Variants in GATA6 observed in about 807,000 individuals in gnomAD.
The protein encoded by GATA6 is transcription factor GATA-6.
A neutral mutation model predicts 48.1 loss-of-function variants in GATA6; 11 were observed. The observed-to-expected ratio is 0.23, with a 90% confidence interval of 0.14 to 0.38. GATA6 has a LOEUF of 0.38. GATA6 is among the 10% of genes least tolerant of loss of function. The pLI, the probability that GATA6 is intolerant of heterozygous loss-of-function variation, is 1.00. For synonymous variants in GATA6, 419 were observed against 396.1 expected, an observed-to-expected ratio of 1.06 and a Z score of -0.69; for missense variants, 795 against 850.3, an observed-to-expected ratio of 0.93 and a Z score of 0.81.
chr18:22,187,235 C>G (rs1372581856), intron 6 of GATA6, among the ~76,000 whole-genome samples: 1 of 152,148 alleles, frequency 6.6e-6, no homozygotes, highest in Non-Finnish European at 1.5e-5. Context: ...AATCCCAGCA[C>G]TTTGGGAGGC....
intron 2 of GATA6, 64 bp from the exon 3 acceptor site, chr18:22,176,891 G>T: frequency 1.3e-6 from 2 of 1,491,568 alleles, no homozygotes; most frequent in Non-Finnish European, 1.8e-6. Flanking sequence ...GGTCCCCGGG[G>T]TGACGCGGGG....
chr18:22,196,121 A>G (rs1282072364), intron 6 of GATA6, among the ~76,000 whole-genome samples: 2 of 152,238 alleles, frequency 1.3e-5, no homozygotes, highest in Non-Finnish European at 2.9e-5. Flanking sequence ...CTTTCTTTGC[A>G]GTATTTCATG....
chr18:22,171,935 C>T lies in GATA6; in HGVS notation c.791C>T (p.Pro264Leu), dbSNP rs568069587. 8.4e-7 allele frequency: 1 copy of T among 1,190,022 alleles called. No homozygotes were observed. The highest frequency in any genetic ancestry group is 4.2e-5 in the South Asian group (1 of 24,030). The allele number at this position is 1,190,022 out of a possible 1,614,324, so 73.7% of individuals were successfully genotyped here. A position where few individuals can be genotyped will look rare whatever the true frequency, so the allele number is the denominator to read the frequency against. Residue 264 changes from proline (P) to leucine (L), a missense_variant, in exon 2 of 7, where the codon CCC becomes CTC. Transcript: ENST00000269216. This position sits in a 1 kb window ranked among gnomAD's most constrained non-coding sequence, Gnocchi z 7.1. ...GCGGCGCACGTCTCGGCGCGCTTCC[C>T]CTACTCTCCCAGCCCGCCCATGGCC... ...SAAAHVSARFPYSPSPPMANG... is the reference protein window; with the variant it reads ...SAAAHVSARFLYSPSPPMANG...
chr18:22,170,149 G>T lies in GATA6; in HGVS notation c.-38+467G>T, dbSNP rs929522512. On this transcript the variant is annotated intron_variant, in intron 1 of 6. Coordinates refer to ENST00000269216, the MANE Select transcript of GATA6 (RefSeq NM_005257.6). The surrounding 1 kb of genome is among the most constrained non-coding windows in gnomAD (Gnocchi z 6.7). ...CATTCTTCCTGCTCTCCCATTTGGG[G>T]TCGCCTCGGCTCTGGGGCGGTCTCA... 6.6e-6 allele frequency among the ~76,000 whole-genome samples: 1 copy of T among 152,152 alleles called. No individual in the cohort carries two copies. Among genetic ancestry groups the T allele is most frequent in the Admixed American group, 6.5e-5 (1 of 15,280 alleles).
At chr18:22,183,610 T>C (rs889666227) in intron 6 of GATA6, among the ~76,000 whole-genome samples, 1 of 152,230 alleles carries the variant, frequency 6.6e-6, no homozygotes, top group Non-Finnish European at 1.5e-5. Flanking sequence ...TGTACCTTAA[T>C]TGTACTGGCG....
chr18:22,177,033 G>C lies in GATA6; in HGVS notation c.1214G>C (p.Gly405Ala), dbSNP rs976181170. 3.2e-6 allele frequency: 5 copies of C among 1,575,724 alleles called. No homozygotes were observed. The highest frequency in any genetic ancestry group is 3.4e-6 in the Non-Finnish European group (4 of 1,162,940). The stretch of plus-strand genomic sequence containing the variant: ...CAGACGCCGCTGTGGCGGCGGGACG[G>C]CACCGGCCACTACCTGTGCAACGCC... ...SIQTPLWRRD[G>A]TGHYLCNACG... Residue 405 changes from glycine (G) to alanine (A), a missense_variant, in exon 3 of 7, where the codon GGC becomes GCC. By Grantham distance (60) the Gly-to-Ala change is moderately conservative (BLOSUM62 0). Transcript: ENST00000269216.
At chr18:22,187,268 G>A (rs189149286) in intron 6 of GATA6, among the ~76,000 whole-genome samples, 2 of 152,166 alleles carry the variant, frequency 1.3e-5, no homozygotes, top group East Asian at 3.9e-4. Context: ...ATCACCTGAG[G>A]TCAGGAGTTT....
intron 6 of GATA6, among the ~76,000 whole-genome samples, chr18:22,195,862 G>A (rs931336173): frequency 1.3e-5 from 2 of 152,170 alleles, no homozygotes; most frequent in Non-Finnish European, 2.9e-5. Context: ...ACATTAGATT[G>A]TTTCTATAGT....
chr18:22,184,671 G>A (rs981132330), intron 6 of GATA6, among the ~76,000 whole-genome samples: 1 of 151,006 alleles, frequency 6.6e-6, no homozygotes. Context: ...ATTTTTTTTT[G>A]TATAGTTAGT....
intron 6 of GATA6, among the ~76,000 whole-genome samples, chr18:22,197,647 C>T (rs1393293203): frequency 6.6e-6 from 1 of 152,162 alleles, no homozygotes; most frequent in Non-Finnish European, 1.5e-5. Context: ...ACCTTGCCTT[C>T]GCTTTTACAA....
intron 6 of GATA6, among the ~76,000 whole-genome samples, chr18:22,191,184 C>CA: frequency 6.6e-6 from 1 of 151,856 alleles, no homozygotes; most frequent in African/African-American, 2.4e-5. Flanking sequence ...TAACATATGT[C>CA]CACATAATTT....
At chr18:22,193,167 A>ACT (rs774941781) in intron 6 of GATA6, among the ~76,000 whole-genome samples, 2 of 152,034 alleles carry the variant, frequency 1.3e-5, no homozygotes, top group African/African-American at 4.8e-5. Flanking sequence ...GGTGACGGTG[A>ACT]CTCTCTCTCT....
At chr18:22,189,819 C>G (rs192593188) in intron 6 of GATA6, among the ~76,000 whole-genome samples, 1 of 152,174 alleles carries the variant, frequency 6.6e-6, no homozygotes, top group African/African-American at 2.4e-5. Context: ...CATAGGGAGG[C>G]AGGAAATTAG....
chr18:22,183,790 G>T (rs972358587), intron 6 of GATA6, among the ~76,000 whole-genome samples: 8 of 152,104 alleles, frequency 5.3e-5, no homozygotes, highest in Non-Finnish European at 1.0e-4. Flanking sequence ...AATTTACCTG[G>T]AATGCCCTTC....
At chr18:22,181,373 A>G in intron 3 of GATA6, 80 bp from the exon 4 acceptor site, 1 of 1,483,598 alleles carries the variant, frequency 6.7e-7, no homozygotes, top group Non-Finnish European at 9.4e-7. Context: ...GATGACAGGG[A>G]CAAAATACCT....
chr18:22,194,626 C>A (rs2033367363), intron 6 of GATA6, among the ~76,000 whole-genome samples: 1 of 152,088 alleles, frequency 6.6e-6, no homozygotes, highest in African/African-American at 2.4e-5. Flanking sequence ...AATATATCAA[C>A]CAATTGAAAT....
intron 6 of GATA6, among the ~76,000 whole-genome samples, chr18:22,184,688 G>A (rs139087254): frequency 0.016 from 2,353 of 151,468 alleles, 56 homozygotes; most frequent in African/African-American, 0.043. Flanking sequence ...TAGTAGAGAC[G>A]GGGTTTCACC....
In GATA6 at chr18:22,172,794, G is replaced by T. The variant is rs1380825649; in HGVS notation, c.1135+515G>T. 6.6e-6 allele frequency among the ~76,000 whole-genome samples: 1 copy of T among 152,192 alleles called. No homozygotes were observed. Among genetic ancestry groups the T allele is most frequent in the African/African-American group, 2.4e-5 (1 of 41,452 alleles). On this transcript the variant is annotated intron_variant, in intron 2 of 6. Coordinates refer to ENST00000269216, the MANE Select transcript of GATA6 (RefSeq NM_005257.6). This position sits in a 1 kb window ranked among gnomAD's most constrained non-coding sequence, Gnocchi z 5.2. ...AAGGGTGCGTGTTTGTGTTTTCCTA[G>T]AGAAGGGTATTTAGAAGAGCACAAC...
chr18:22,190,147 CTG>C (rs986651617), intron 6 of GATA6, among the ~76,000 whole-genome samples: 3 of 152,126 alleles, frequency 2.0e-5, no homozygotes, highest in African/African-American at 7.2e-5. Flanking sequence ...GGTGGGAAAA[CTG>C]TGAGAAGTTA....
Sources: allele counts gnomAD v4.1 joint callset (sites outside exome capture counted in the v4.1 genomes callset), GRCh38; gene constraint gnomAD v4.1.1; non-coding constraint Gnocchi (gnomAD v3.1); transcripts MANE v1.5; gene names NCBI Gene and HGNC (gene_info 2026-07-23, HGNC 2026-07-21).